The following ORC2 variants were observed in gnomAD, a reference collection of about 807,000 sequenced individuals.
ORC2 encodes origin recognition complex protein 2 homolog.
A neutral mutation model predicts 77.7 loss-of-function variants in ORC2; 37 were observed. That is an observed-to-expected ratio of 0.48 (90% CI 0.37 to 0.63). The LOEUF (loss-of-function observed/expected upper bound fraction) is 0.63, where lower values mean the gene tolerates loss of function less well. Among genes scored for constraint, ORC2 ranks in the 20% least tolerant of loss-of-function variants. The pLI is 0.00. For synonymous variants in ORC2, 201 were observed against 229.5 expected, an observed-to-expected ratio of 0.88 and a Z score of 1.12; for missense variants, 557 against 661.9, an observed-to-expected ratio of 0.84 and a Z score of 1.74.
At chr2:200,937,814 C>G (rs1186399330) in intron 8 of ORC2, 92 bp downstream of exon 8, 8 of 777,616 alleles carry the variant, frequency 1.0e-5, no homozygotes, top group Non-Finnish European at 1.7e-5. Flanking sequence ...AAACACCAAG[C>G]AGTCTAAGTC....
intron 11 of ORC2, 21 bp downstream of exon 11, chr2:200,931,318 G>A: frequency 1.0e-6 from 1 of 982,362 alleles, no homozygotes; most frequent in South Asian, 1.6e-5. Context: ...TTTTACAAGG[G>A]TTTGTAATGA....
chr2:200,936,082 A>C (rs2041041359), intron 8 of ORC2, among the ~76,000 whole-genome samples, 190 bp from the exon 9 acceptor site: 1 of 152,248 alleles, frequency 6.6e-6, no homozygotes, highest in Non-Finnish European at 1.5e-5. Flanking sequence ...TTAATAGTAC[A>C]TAGTTTAATA....
chr2:200,946,161 A>AT (rs1029103440), intron 5 of ORC2, among the ~76,000 whole-genome samples: 12 of 148,280 alleles, frequency 8.1e-5, no homozygotes, highest in South Asian at 6.4e-4. Context: ...TTTTTTTTTA[A>AT]TTTTTTTTTA....
intron 4 of ORC2, among the ~76,000 whole-genome samples, chr2:200,956,700 A>C (rs2041471938): frequency 6.6e-6 from 1 of 152,108 alleles, no homozygotes; most frequent in African/African-American, 2.4e-5. Flanking sequence ...TGAACCCAGA[A>C]GTTGGAGGCT....
At chr2:200,961,148 G>T (rs1376715855) in intron 1 of ORC2, among the ~76,000 whole-genome samples, 1 of 151,878 alleles carries the variant, frequency 6.6e-6, no homozygotes, top group Admixed American at 6.6e-5. Context: ...TATCATAAAT[G>T]CTTGGTTTTT....
At chr2:200,942,608 A>G (rs1482545891) in intron 6 of ORC2, 77 bp downstream of exon 6, 1 of 696,594 alleles carries the variant, frequency 1.4e-6, no homozygotes, top group Non-Finnish European at 2.3e-6. Context: ...AAAATTCACA[A>G]ACAAGGAAAA....
intron 12 of ORC2, among the ~76,000 whole-genome samples, 156 bp from the exon 13 acceptor site, chr2:200,926,088 T>C (rs897386042): frequency 2.0e-5 from 3 of 152,198 alleles, no homozygotes; most frequent in Non-Finnish European, 4.4e-5. Flanking sequence ...CTTGAGTATA[T>C]CTAATTCATT....
intron 13 of ORC2, among the ~76,000 whole-genome samples, chr2:200,924,150 C>T (rs2124953375): frequency 6.6e-6 from 1 of 152,180 alleles, no homozygotes. Context: ...GAGTTTGAGA[C>T]CAGCCTGGGC....
chr2:200,917,298 A>G (rs1410068050), intron 15 of ORC2, among the ~76,000 whole-genome samples: 1 of 152,052 alleles, frequency 6.6e-6, no homozygotes, highest in Non-Finnish European at 1.5e-5. Context: ...CCCAGCCTGC[A>G]TATTCCAATA....
intron 5 of ORC2, among the ~76,000 whole-genome samples, chr2:200,947,918 T>C (rs1177621870): frequency 6.6e-6 from 1 of 151,882 alleles, no homozygotes; most frequent in Admixed American, 6.6e-5. Flanking sequence ...TAATTTTCTT[T>C]TTTTTTTTGA....
At chr2:200,932,321 C>T (rs189619455) in intron 10 of ORC2, among the ~76,000 whole-genome samples, 2 of 146,526 alleles carry the variant, frequency 1.4e-5, no homozygotes, top group Admixed American at 1.4e-4. Context: ...CATGTATGTA[C>T]TTTCATTTCA....
chr2:200,944,787 G>T (rs754462796), intron 5 of ORC2, among the ~76,000 whole-genome samples: 1 of 152,098 alleles, frequency 6.6e-6, no homozygotes, highest in Admixed American at 6.5e-5. Context: ...TTCTCCTCCC[G>T]CCTCGGCCTC....
intron 15 of ORC2, among the ~76,000 whole-genome samples, 173 bp from the exon 16 acceptor site, chr2:200,914,165 CTTT>C (rs1158874227): frequency 4.4e-5 from 6 of 134,834 alleles, no homozygotes; most frequent in South Asian, 2.3e-4. Context: ...TTTCTAATTT[CTTT>C]TTTTTTTTTT....
Position 200,949,640 on chromosome 2 carries a change from G to T in ORC2, c.242C>A (p.Ser81Ter). ...VEIMGRDVQE[S>*]LKNGSATGGG... ...ACCTGTAGCAGAGCCATTTTTCAAT[G>T]ATTCTGAAAGAAAAAAATGCAATAT... The change falls in exon 5 of 18, where the codon TCA becomes TAA. Residue 81 changes from serine (S) to a stop codon, truncating the protein, a stop_gained. Coordinates refer to ENST00000234296, the MANE Select transcript of ORC2 (RefSeq NM_006190.5). LOFTEE classifies it high-confidence loss of function. 6.4e-7 allele frequency: 1 copy of T among 1,565,842 alleles called. No individual in the cohort carries two copies. Among genetic ancestry groups the T allele is most frequent in the South Asian group, 1.2e-5 (1 of 86,662 alleles).
At position 200,938,609 on chromosome 2, in the gene ORC2, G is replaced by A. The variant is rs16836055; in HGVS notation, c.454-643C>T. On this transcript the variant is annotated intron_variant, in intron 7 of 17. Transcript: ENST00000234296. The stretch of plus-strand genomic sequence containing the variant: ...TTAAAACATCCACTGTTATATACCT[G>A]TAAATTTCTAATAGTACTGATAAAA... 7.1e-3 allele frequency among the ~76,000 whole-genome samples: 1,084 copies of A among 152,230 alleles called. 7 individuals carry two copies. The highest frequency in any genetic ancestry group is 0.025 in the African/African-American group (1,026 of 41,516).
Position 200,941,233 on chromosome 2 carries a change from T to A in ORC2, c.453+15A>T, listed in dbSNP as rs748688404. 4.4e-6 allele frequency: 7 copies of A among 1,606,248 alleles called. No homozygotes were observed. The highest frequency in any genetic ancestry group is 5.1e-6 in the Non-Finnish European group (6 of 1,174,382). On this transcript the variant is annotated intron_variant, in intron 7 of 17. Transcript: ENST00000234296. ...TTGTAACACTAAGGCTTTTGCTTTT[T>A]AGTCAATTGCTTACCTTCGGTTGAA... is the stretch of plus-strand genomic sequence containing the variant.
At chr2:200,938,039 AAAAAAG>A (rs2041079554) in intron 7 of ORC2, 73 bp from the exon 8 acceptor site, 1 of 1,049,230 alleles carries the variant, frequency 9.5e-7, no homozygotes, top group South Asian at 1.4e-5. Flanking sequence ...AGAGGCTAGA[AAAAAAG>A]AAAAATATTT....
Position 200,909,656 on chromosome 2 carries a change from A to G in ORC2, c.*1645T>C, listed in dbSNP as rs2124915063. 6.8e-6 allele frequency: 1 copy of G among 147,178 alleles called. No individual in the cohort carries two copies. Among genetic ancestry groups the G allele is most frequent in the East Asian group, 2.0e-4 (1 of 5,000 alleles). The allele number at this position is 147,178 out of a possible 1,614,324, so 9.1% of individuals were successfully genotyped here. ...GTGGAGGCTGCTGTAAGCTTAGATCACGCCACTGCACTCTAGACTGGATGA... is the reference window on the plus strand; with the variant it reads ...GTGGAGGCTGCTGTAAGCTTAGATCGCGCCACTGCACTCTAGACTGGATGA... On this transcript the variant is annotated 3_prime_UTR_variant, in exon 18 of 18. Transcript: ENST00000234296.
In ORC2 at chr2:200,910,683, T is replaced by C. The variant is rs1360973648; in HGVS notation, c.*618A>G. 1 of 152,216 alleles carries C rather than the reference T, an allele frequency of 6.6e-6. No homozygotes were observed. Among genetic ancestry groups the C allele is most frequent in the East Asian group, 1.9e-4 (1 of 5,198 alleles). The allele number at this position is 152,216 out of a possible 1,614,324, so 9.4% of individuals were successfully genotyped here. On this transcript the variant is annotated 3_prime_UTR_variant, in exon 18 of 18. Coordinates refer to ENST00000234296, the MANE Select transcript of ORC2 (RefSeq NM_006190.5). ...CCTATATACTCTGTTTTTCCCATTA[T>C]CCCAACTGAATAGTATTATAATATA...
Sources: allele counts gnomAD v4.1 joint callset (sites outside exome capture counted in the v4.1 genomes callset), GRCh38; gene constraint gnomAD v4.1.1; transcripts MANE v1.5; gene names NCBI Gene and HGNC (gene_info 2026-07-23, HGNC 2026-07-21).